HIVEP3: variants seen among roughly 807,000 people sequenced by gnomAD.
The protein encoded by HIVEP3 is transcription factor HIVEP3.
Under a neutral mutation model 152.8 loss-of-function variants are expected in HIVEP3, and 49 were observed. The ratio of observed to expected loss-of-function variants is 0.32; its 90% CI spans 0.26 to 0.41. The LOEUF (loss-of-function observed/expected upper bound fraction) is 0.41. HIVEP3 is among the 10% of genes least tolerant of loss of function. HIVEP3 has a pLI of 1.00. For synonymous variants in HIVEP3, 1,269 were observed against 1,289.0 expected, an observed-to-expected ratio of 0.98 and a Z score of 0.33; for missense variants, 2,790 against 3,103.3, an observed-to-expected ratio of 0.90 and a Z score of 2.40.
intron 1 of HIVEP3, among the ~76,000 whole-genome samples, chr1:41,733,563 GCCAGAGCTC>G (rs916210698): frequency 6.6e-6 from 1 of 152,242 alleles, no homozygotes; most frequent in African/African-American, 2.4e-5. Context: ...AGAACTGGAA[GCCAGAGCTC>G]CCATCTCCTA....
chr1:41,979,834 A>C (rs907251650), intron 1 of HIVEP3, among the ~76,000 whole-genome samples: 2 of 152,250 alleles, frequency 1.3e-5, no homozygotes, highest in South Asian at 2.1e-4. Context: ...TTATAGGAGA[A>C]AAAGTATCTA....
intron 3 of HIVEP3, among the ~76,000 whole-genome samples, chr1:41,626,564 C>T (rs1273153108): frequency 3.3e-5 from 5 of 152,136 alleles, no homozygotes; most frequent in African/African-American, 1.2e-4. Flanking sequence ...TGGACAGTTC[C>T]CCCATGTATC....
chr1:41,974,319 A>G (rs1180862782), intron 1 of HIVEP3, among the ~76,000 whole-genome samples: 3 of 151,996 alleles, frequency 2.0e-5, no homozygotes, highest in Non-Finnish European at 4.4e-5. Context: ...CTCTGTGCCC[A>G]TCCTAGGAGC....
chr1:41,520,530 C>T (rs1202507782), intron 6 of HIVEP3, among the ~76,000 whole-genome samples: 1 of 152,148 alleles, frequency 6.6e-6, no homozygotes, highest in African/African-American at 2.4e-5. Flanking sequence ...GAAAAGGCAG[C>T]TGGGGTCTTC....
rs567976079 is a variant in HIVEP3, at chr1:41,533,218, G to C, written c.5208-8308C>G. Reference sequence around the variant, plus strand: ...AGGGTCCAGCCAGGGACAGGCCTATGGCAGCTGTCTATCAGTGTGGACCTC... The same window carrying C: ...AGGGTCCAGCCAGGGACAGGCCTATCGCAGCTGTCTATCAGTGTGGACCTC... On this transcript the variant is annotated intron_variant, in intron 5 of 8. Transcript: ENST00000372583. The surrounding 1 kb of genome is among the most constrained non-coding windows in gnomAD (Gnocchi z 4.3). 6.6e-6 allele frequency among the ~76,000 whole-genome samples: 1 copy of C among 152,264 alleles called. No individual in the cohort carries two copies. Among genetic ancestry groups the C allele is most frequent in the African/African-American group, 2.4e-5 (1 of 41,544 alleles).
chr1:41,930,982 G>A (rs1425625197), intron 1 of HIVEP3, among the ~76,000 whole-genome samples: 2 of 151,436 alleles, frequency 1.3e-5, no homozygotes, highest in East Asian at 3.9e-4. Context: ...TTACTTTCTT[G>A]CTGAAGCTTG....
intron 1 of HIVEP3, among the ~76,000 whole-genome samples, chr1:41,746,306 G>C (rs903776741): frequency 6.6e-6 from 1 of 152,116 alleles, no homozygotes; most frequent in Non-Finnish European, 1.5e-5. Context: ...CATCAACCCC[G>C]TTTGCTTCAG....
At chr1:41,723,495 C>G (rs1482777177) in intron 1 of HIVEP3, among the ~76,000 whole-genome samples, 1 of 123,118 alleles carries the variant, frequency 8.1e-6, no homozygotes, top group Non-Finnish European at 1.6e-5. Context: ...CACACACACA[C>G]AGCCACCACA....
chr1:41,813,367 C>T (rs572864942), intron 1 of HIVEP3, among the ~76,000 whole-genome samples: 3 of 152,224 alleles, frequency 2.0e-5, no homozygotes, highest in Non-Finnish European at 4.4e-5. Flanking sequence ...GGAAACAGTC[C>T]TATCATGGCA....
chr1:41,699,870 C>A (rs757746149), intron 2 of HIVEP3, among the ~76,000 whole-genome samples: 2 of 152,038 alleles, frequency 1.3e-5, no homozygotes, highest in Non-Finnish European at 2.9e-5. Flanking sequence ...GTCTCCCTTC[C>A]CTGCTTGTGT....
intron 3 of HIVEP3, among the ~76,000 whole-genome samples, chr1:41,614,873 A>T (rs1048577596): frequency 6.6e-6 from 1 of 152,222 alleles, no homozygotes; most frequent in African/African-American, 2.4e-5. Flanking sequence ...TCTTCTTGGC[A>T]CTAAGATCTG....
rs766340637 is a variant in HIVEP3 at position 41,583,042 on chromosome 1, T to G, written c.1756A>C (p.Met586Leu). 3.7e-6 allele frequency: 6 copies of G among 1,613,796 alleles called. No individual in the cohort carries two copies. The highest frequency in any genetic ancestry group is 1.3e-5 in the African/African-American group (1 of 74,836). ...SSHVFTSHPR[M>L]LKRQPAIELP... is the part of the protein sequence containing the mutation. ...TCGATTGCCGGCTGGCGCTTCAGCA[T>G]CCGGGGGTGGGAGGTAAACACGTGA... Residue 586 changes from methionine (M) to leucine (L), a missense_variant, in exon 4 of 9, where the codon ATG (methionine) becomes CTG (leucine). Met to Leu is a conservative substitution (Grantham distance 15). Around this residue, in one of 9 missense-constraint regions of HIVEP3, gnomAD observed 339 missense variants for 327.0 expected, o/e 1.04. Transcript: ENST00000372583. The surrounding 1 kb of genome is among the most constrained non-coding windows in gnomAD (Gnocchi z 6.9).
At chr1:41,801,627 C>T (rs1423031896) in intron 1 of HIVEP3, among the ~76,000 whole-genome samples, 1 of 152,072 alleles carries the variant, frequency 6.6e-6, no homozygotes, top group East Asian at 1.9e-4. Flanking sequence ...CGCCTGTAGT[C>T]CCAGCTACTC....
At chr1:41,953,249 G>A (rs527759800) in intron 1 of HIVEP3, among the ~76,000 whole-genome samples, 1 of 152,198 alleles carries the variant, frequency 6.6e-6, no homozygotes, top group Non-Finnish European at 1.5e-5. Flanking sequence ...CTGTGATTAT[G>A]AGGGAGGCAG....
chr1:41,518,817 G>GTT (rs35277923), intron 6 of HIVEP3, among the ~76,000 whole-genome samples: 37,010 of 134,452 alleles, frequency 0.28, 6,228 homozygotes, highest in Non-Finnish European at 0.39. Flanking sequence ...AGTGCAATAG[G>GTT]TTTTTTTTTT....
In HIVEP3 at chr1:41,511,134, G is replaced by C. The variant is rs1394377979; in HGVS notation, c.6538C>G (p.Leu2180Val). Residue 2180 changes from leucine (L) to valine (V), a missense_variant, in exon 9 of 9, where the codon CTG (leucine) becomes GTG (valine). Transcript: ENST00000372583. This position sits in a 1 kb window ranked among gnomAD's most constrained non-coding sequence, Gnocchi z 4.9. ...GTCAAGTGCTGGGAGTGCAGAGGCA[G>C]GTGGCTGAAGATGTTCTCCTCTGTC... is the stretch of plus-strand genomic sequence containing the variant. The part of the protein sequence containing the change: ...ARTEENIFSH[L>V]PLHSQHLTRA... The C allele has an allele frequency of 1.2e-6, 2 of 1,614,206 alleles. No individual in the cohort carries two copies. Among genetic ancestry groups the C allele is most frequent in the Non-Finnish European group, 1.7e-6 (2 of 1,180,022 alleles).
At chr1:41,898,935 C>T (rs1438457255) in intron 1 of HIVEP3, among the ~76,000 whole-genome samples, 1 of 152,260 alleles carries the variant, frequency 6.6e-6, no homozygotes, top group East Asian at 1.9e-4. Flanking sequence ...ACACCAATTG[C>T]TCCCTCCTTG....
At chr1:42,035,764 G>A (rs994836244) in intron 1 of HIVEP3, 13 of 151,776 alleles carry the variant, frequency 8.6e-5, no homozygotes, top group African/African-American at 2.9e-4. Flanking sequence ...GACCGAGCCC[G>A]AGGAGGGGGG....
At chr1:41,671,422 G>A (rs1415996451) in intron 2 of HIVEP3, among the ~76,000 whole-genome samples, 1 of 152,224 alleles carries the variant, frequency 6.6e-6, no homozygotes, top group Non-Finnish European at 1.5e-5. Flanking sequence ...CCGGAGAAAC[G>A]AATCCTGCTC....
Sources: gnomAD v4.1 joint callset for allele counts (sites outside exome capture counted in the v4.1 genomes callset) on GRCh38, gnomAD v4.1.1 for gene constraint, gnomAD v4.1.1 regional missense constraint, Gnocchi (gnomAD v3.1) non-coding constraint, MANE v1.5 for transcripts, NCBI Gene and HGNC (gene_info 2026-07-23, HGNC 2026-07-21) for gene names.